The following NDUFA10 variants were observed in gnomAD, a reference collection of about 807,000 sequenced individuals.
The protein encoded by NDUFA10 is NADH dehydrogenase [ubiquinone] 1 alpha subcomplex subunit 10, mitochondrial.
NDUFA10 carries 40 observed loss-of-function variants against 47.8 expected under a neutral mutation model. The observed-to-expected ratio is 0.84, with a 90% CI of 0.65 to 1.09. The LOEUF (loss-of-function observed/expected upper bound fraction) is 1.09, where lower values mean the gene tolerates loss of function less well. NDUFA10 is among the 50% of genes least tolerant of loss of function. The pLI is 0.00. For missense variants in NDUFA10, 413 were observed against 451.1 expected (o/e 0.92, Z 0.76); for synonymous variants, 183 against 172.2 (o/e 1.06, Z -0.49).
At chr2:239,997,371 T>A (rs984272738) in intron 8 of NDUFA10, among the ~76,000 whole-genome samples, 4 of 152,152 alleles carry the variant, frequency 2.6e-5, no homozygotes, top group Non-Finnish European at 5.9e-5. Flanking sequence ...AAATAGCCAA[T>A]AAAAATATAA....
intron 7 of NDUFA10, among the ~76,000 whole-genome samples, chr2:240,006,977 A>G (rs1374322549): frequency 2.0e-5 from 3 of 152,248 alleles, no homozygotes; most frequent in African/African-American, 7.2e-5. Context: ...CACAAAACAC[A>G]CGAATTTAAG....
In NDUFA10 at chr2:239,959,761, C is replaced by A. The variant is rs1007469382; in HGVS notation, c.*1357G>T. ...GAAGAGAAGGAGGGAAGGAAAGAGG[C>A]AGGGAGGAAGGGAAGGGAGGAAAAC... On this transcript the variant is annotated 3_prime_UTR_variant, in exon 10 of 10. Transcript: ENST00000252711. 2 of 721,858 alleles carry A rather than the reference C, an allele frequency of 2.8e-6. No individual in the cohort carries two copies. The highest frequency in any genetic ancestry group is 3.4e-6 in the Non-Finnish European group (2 of 595,862). The allele number at this position is 721,858 out of a possible 1,614,324, so 44.7% of individuals were successfully genotyped here.
At chr2:239,943,871 G>A (rs1459806417) in intron 4 of NDUFA10, among the ~76,000 whole-genome samples, 1 of 152,174 alleles carries the variant, frequency 6.6e-6, no homozygotes, top group African/African-American at 2.4e-5. Flanking sequence ...AGGGGTCTAG[G>A]GTTTAGTCCC....
chr2:239,948,663 C>G (rs1694497859), intron 4 of NDUFA10, among the ~76,000 whole-genome samples: 1 of 152,222 alleles, frequency 6.6e-6, no homozygotes, highest in Admixed American at 6.5e-5. Flanking sequence ...AATACAAGGA[C>G]AAACTAGGGA....
chr2:239,938,102 C>T (rs1694297417), intron 4 of NDUFA10, among the ~76,000 whole-genome samples: 1 of 152,200 alleles, frequency 6.6e-6, no homozygotes, highest in Non-Finnish European at 1.5e-5. Flanking sequence ...GAGCCCAGTG[C>T]TCGGCCGCAA....
intron 3 of NDUFA10, chr2:240,020,968 T>C (rs1415778080): frequency 3.3e-6 from 2 of 600,694 alleles, no homozygotes; most frequent in African/African-American, 1.9e-5. Flanking sequence ...CCTTGAGAAT[T>C]CTATACAATC....
intron 8 of NDUFA10, among the ~76,000 whole-genome samples, chr2:240,002,666 T>C (rs7567729): frequency 0.013 from 2,031 of 152,272 alleles, 42 homozygotes; most frequent in African/African-American, 0.046. Flanking sequence ...CTCCTCAGTC[T>C]GACATGAGGA....
At chr2:239,979,197 A>C (rs907787484) in intron 9 of NDUFA10, among the ~76,000 whole-genome samples, 2 of 152,190 alleles carry the variant, frequency 1.3e-5, no homozygotes, top group Non-Finnish European at 2.9e-5. Context: ...CCTAAATTAA[A>C]GCCTTTACAC....
chr2:240,005,734 T>C (rs1342482432), intron 7 of NDUFA10, among the ~76,000 whole-genome samples: 1 of 152,194 alleles, frequency 6.6e-6, no homozygotes, highest in Non-Finnish European at 1.5e-5. Context: ...AGAATGGAAG[T>C]GAAGCTGGCT....
intron 6 of NDUFA10, 31 bp from the exon 7 acceptor site, chr2:240,007,401 T>G: frequency 6.8e-7 from 1 of 1,479,520 alleles, no homozygotes; most frequent in South Asian, 1.1e-5. Flanking sequence ...AAATTCAGTG[T>G]AAACTTTTCC....
At chr2:239,963,494 T>C (rs955031829) in intron 9 of NDUFA10, among the ~76,000 whole-genome samples, 3 of 152,166 alleles carry the variant, frequency 2.0e-5, no homozygotes, top group Non-Finnish European at 4.4e-5. Flanking sequence ...GTAGGTGCTA[T>C]TTCTAGACCG....
At chr2:239,937,255 G>A (rs1209177961) in intron 4 of NDUFA10, among the ~76,000 whole-genome samples, 1 of 152,222 alleles carries the variant, frequency 6.6e-6, no homozygotes, top group Admixed American at 6.5e-5. Context: ...CCCATTTCGA[G>A]TATGCAACTC....
intron 4 of NDUFA10, among the ~76,000 whole-genome samples, chr2:239,920,282 A>G (rs1473084010): frequency 6.6e-6 from 1 of 152,234 alleles, no homozygotes; most frequent in African/African-American, 2.4e-5. Flanking sequence ...GCCATCCTGC[A>G]GAGCTGAGAA....
chr2:239,899,546 C>T (rs1038414498), intron 4 of NDUFA10, among the ~76,000 whole-genome samples: 1 of 151,794 alleles, frequency 6.6e-6, no homozygotes, highest in Admixed American at 6.6e-5. Flanking sequence ...GAAAACTGCG[C>T]CACTAGAGCT....
At chr2:239,978,002 A>C (rs1695597705) in intron 9 of NDUFA10, among the ~76,000 whole-genome samples, 1 of 151,978 alleles carries the variant, frequency 6.6e-6, no homozygotes, top group African/African-American at 2.4e-5. Context: ...CTATGAAACA[A>C]ACAGTGATCT....
At chr2:239,966,688 G>A (rs35891664) in intron 9 of NDUFA10, among the ~76,000 whole-genome samples, 17,952 of 151,952 alleles carry the variant, frequency 0.12, 1,245 homozygotes, top group South Asian at 0.15. Flanking sequence ...CAGTTAAGAG[G>A]GTGAATGGCA....
At chr2:239,965,711 A>G (rs1695031602) in intron 9 of NDUFA10, among the ~76,000 whole-genome samples, 1 of 152,190 alleles carries the variant, frequency 6.6e-6, no homozygotes, top group African/African-American at 2.4e-5. Flanking sequence ...TGAAAAGAAA[A>G]TCATTTTCCT....
intron 4 of NDUFA10, among the ~76,000 whole-genome samples, chr2:239,897,891 T>C (rs1017903451): frequency 6.6e-6 from 1 of 152,242 alleles, no homozygotes; most frequent in Non-Finnish European, 1.5e-5. Context: ...GCGCATCCCC[T>C]GGGGCACACA....
intron 4 of NDUFA10, among the ~76,000 whole-genome samples, chr2:239,918,484 G>A (rs115634010): frequency 0.019 from 2,871 of 152,274 alleles, 46 homozygotes; most frequent in Non-Finnish European, 0.029. Flanking sequence ...ACCCAATCCT[G>A]TCTCCCAAGG....
Sources: gnomAD v4.1 joint callset for allele counts (sites outside exome capture counted in the v4.1 genomes callset) on GRCh38, gnomAD v4.1.1 for gene constraint, MANE v1.5 for transcripts, NCBI Gene and HGNC (gene_info 2026-07-23, HGNC 2026-07-21) for gene names.